The following CCDC178 variants were observed in gnomAD, a reference collection of about 807,000 sequenced individuals.
The protein encoded by CCDC178 is coiled-coil domain-containing protein 178.
A neutral mutation model predicts 117.4 loss-of-function variants in CCDC178; 126 were observed. The observed-to-expected ratio is 1.07, with a 90% CI of 0.93 to 1.24. The LOEUF (loss-of-function observed/expected upper bound fraction) is 1.24. CCDC178 is among the 50% of genes most tolerant of loss of function. CCDC178 has a pLI of 0.00. For synonymous variants in CCDC178, 283 were observed against 313.4 expected, an observed-to-expected ratio of 0.90 and a Z score of 1.02; for missense variants, 1,030 against 986.9, an observed-to-expected ratio of 1.04 and a Z score of -0.59.
chr18:32,967,344 T>C (rs1037721321), intron 22 of CCDC178, among the ~76,000 whole-genome samples: 22 of 151,770 alleles, frequency 1.4e-4, no homozygotes, highest in Non-Finnish European at 2.8e-4. Flanking sequence ...TCTTACTTTA[T>C]ATATTATAAA....
chr18:33,251,032 C>T (rs970111615), intron 14 of CCDC178, among the ~76,000 whole-genome samples: 2 of 151,496 alleles, frequency 1.3e-5, no homozygotes, highest in African/African-American at 4.8e-5. Flanking sequence ...GACACTGGAT[C>T]CAGAATATGA....
intron 20 of CCDC178, among the ~76,000 whole-genome samples, chr18:33,102,995 C>T (rs1272172089): frequency 6.6e-6 from 1 of 151,770 alleles, no homozygotes; most frequent in Non-Finnish European, 1.5e-5. Flanking sequence ...ACTGCCTGTT[C>T]CTTTATAGAC....
At chr18:33,310,671 G>C (rs2062328367) in intron 11 of CCDC178, among the ~76,000 whole-genome samples, 1 of 152,114 alleles carries the variant, frequency 6.6e-6, no homozygotes, top group Non-Finnish European at 1.5e-5. Context: ...GGGTGACAGA[G>C]TGAGACCCCC....
chr18:33,268,041 A>C (rs1362046460), intron 12 of CCDC178, among the ~76,000 whole-genome samples: 1 of 151,778 alleles, frequency 6.6e-6, no homozygotes, highest in Non-Finnish European at 1.5e-5. Flanking sequence ...TTTCACATGA[A>C]AAGGATGATT....
At chr18:33,114,057 T>G (rs2057819028) in intron 20 of CCDC178, among the ~76,000 whole-genome samples, 1 of 152,062 alleles carries the variant, frequency 6.6e-6, no homozygotes, top group African/African-American at 2.4e-5. Context: ...CCCATGGACT[T>G]TGGACTATCA....
chr18:33,291,205 G>A (rs2060162261), intron 12 of CCDC178, among the ~76,000 whole-genome samples: 1 of 151,864 alleles, frequency 6.6e-6, no homozygotes, highest in African/African-American at 2.4e-5. Flanking sequence ...TTCACAAAAG[G>A]AAAATGCACA....
chr18:33,108,921 C>T (rs1181321138), intron 20 of CCDC178, among the ~76,000 whole-genome samples: 1 of 151,614 alleles, frequency 6.6e-6, no homozygotes, highest in African/African-American at 2.4e-5. Context: ...AGCAAATAAG[C>T]AAGATATCCC....
chr18:33,132,543 T>C (rs1022245833), intron 20 of CCDC178, among the ~76,000 whole-genome samples: 2 of 151,778 alleles, frequency 1.3e-5, no homozygotes, highest in South Asian at 4.1e-4. Flanking sequence ...AAATGACTAA[T>C]ATTTATTAAC....
intron 18 of CCDC178, among the ~76,000 whole-genome samples, chr18:33,220,958 A>G (rs758628210): frequency 3.3e-5 from 5 of 152,072 alleles, no homozygotes; most frequent in Non-Finnish European, 5.9e-5. Context: ...AATGTATTTA[A>G]GCATTTGCCT....
intron 18 of CCDC178, among the ~76,000 whole-genome samples, chr18:33,218,883 C>T (rs1179440163): frequency 6.6e-6 from 1 of 151,990 alleles, no homozygotes; most frequent in African/African-American, 2.4e-5. Flanking sequence ...AGTCAGGTAG[C>T]GTGACGCCTC....
intron 2 of CCDC178, among the ~76,000 whole-genome samples, chr18:33,430,034 A>C (rs1192934223): frequency 6.6e-6 from 1 of 152,218 alleles, no homozygotes. Flanking sequence ...CAAAGCTAAG[A>C]GATAATATTG....
intron 3 of CCDC178, among the ~76,000 whole-genome samples, chr18:33,405,932 A>G (rs2063774081): frequency 1.3e-5 from 2 of 152,068 alleles, no homozygotes; most frequent in South Asian, 2.1e-4. Flanking sequence ...GCAAAATACA[A>G]TAAGAATACT....
intron 2 of CCDC178, among the ~76,000 whole-genome samples, chr18:33,412,610 A>C (rs1161751072): frequency 1.3e-5 from 2 of 152,144 alleles, no homozygotes; most frequent in African/African-American, 4.8e-5. Context: ...AATTCTATAC[A>C]CCTACAAACT....
chr18:32,949,116 C>T (rs2054418601), intron 22 of CCDC178, among the ~76,000 whole-genome samples: 1 of 152,034 alleles, frequency 6.6e-6, no homozygotes, highest in Admixed American at 6.6e-5. Flanking sequence ...TGCTGTTAAC[C>T]TTATCTTTGT....
At chr18:33,280,945 G>T (rs1240132862) in intron 12 of CCDC178, among the ~76,000 whole-genome samples, 2 of 152,086 alleles carry the variant, frequency 1.3e-5, no homozygotes, top group African/African-American at 4.8e-5. Context: ...ACACTCTGGG[G>T]ACTGTTGTGG....
At chr18:33,156,772 C>T (rs1258277771) in intron 20 of CCDC178, among the ~76,000 whole-genome samples, 1 of 151,938 alleles carries the variant, frequency 6.6e-6, no homozygotes, top group Non-Finnish European at 1.5e-5. Context: ...AAAAGATTTC[C>T]ACTACGAGAG....
intron 20 of CCDC178, among the ~76,000 whole-genome samples, chr18:33,102,031 T>C (rs904966260): frequency 6.6e-6 from 1 of 151,948 alleles, no homozygotes; most frequent in African/African-American, 2.4e-5. Flanking sequence ...TTATATTATA[T>C]ACAAAATAAC....
intron 21 of CCDC178, among the ~76,000 whole-genome samples, chr18:33,024,900 C>T (rs903754400): frequency 3.3e-5 from 5 of 151,752 alleles, no homozygotes; most frequent in African/African-American, 1.2e-4. Flanking sequence ...ATCTGCCTGC[C>T]TTGGCCTCCC....
intron 19 of CCDC178, among the ~76,000 whole-genome samples, chr18:33,215,018 T>C (rs972769768): frequency 6.6e-6 from 1 of 151,952 alleles, no homozygotes; most frequent in Non-Finnish European, 1.5e-5. Flanking sequence ...GGTTAGGGTC[T>C]ATGGATACCC....
Sources: allele counts gnomAD v4.1 joint callset (sites outside exome capture counted in the v4.1 genomes callset), GRCh38; gene constraint gnomAD v4.1.1; transcripts MANE v1.5; gene names NCBI Gene and HGNC (gene_info 2026-07-23, HGNC 2026-07-21).